The following ROBO2 variants were observed in gnomAD, a reference collection of about 807,000 sequenced individuals.
ROBO2 encodes the protein roundabout homolog 2.
Under a neutral mutation model 160.8 loss-of-function variants are expected in ROBO2, and 53 were observed. That is an observed-to-expected ratio of 0.33 (90% CI 0.26 to 0.41). The LOEUF (loss-of-function observed/expected upper bound fraction) is 0.41, where lower values mean the gene tolerates loss of function less well. Ranked by LOEUF, ROBO2 falls within the 10% of genes least tolerant of loss-of-function variation. The pLI is 1.00. For synonymous variants in ROBO2, 664 were observed against 611.7 expected (o/e 1.09, Z -1.26); for missense variants, 1,577 against 1,722.4 (o/e 0.92, Z 1.49).
intron 2 of ROBO2, among the ~76,000 whole-genome samples, chr3:76,067,573 T>A (rs2068297980): frequency 6.6e-6 from 1 of 152,140 alleles, no homozygotes; most frequent in East Asian, 1.9e-4. Flanking sequence ...AAAAGGAATC[T>A]CTTTTTTATA....
chr3:76,209,319 T>G (rs1036074015), intron 2 of ROBO2, among the ~76,000 whole-genome samples: 45 of 152,326 alleles, frequency 3.0e-4, no homozygotes, highest in African/African-American at 1.1e-3. Flanking sequence ...GTCATTCTCT[T>G]ATTAACTAAG....
intron 2 of ROBO2, among the ~76,000 whole-genome samples, chr3:76,901,340 C>A (rs2075212088): frequency 6.6e-6 from 1 of 151,828 alleles, no homozygotes; most frequent in Admixed American, 6.6e-5. Context: ...CCTTTTCAAT[C>A]CCTGGCTCAT....
chr3:76,541,719 A>G (rs1005526222), intron 2 of ROBO2, among the ~76,000 whole-genome samples: 1 of 152,204 alleles, frequency 6.6e-6, no homozygotes, highest in Admixed American at 6.5e-5. Flanking sequence ...TTGGGAAGGT[A>G]TTAAGAGGCT....
intron 11 of ROBO2, among the ~76,000 whole-genome samples, 199 bp downstream of exon 12, chr3:77,563,528 C>T (rs1420032848): frequency 6.6e-6 from 1 of 151,992 alleles, no homozygotes; most frequent in Non-Finnish European, 1.5e-5. Flanking sequence ...TTTAAATATG[C>T]ATTATTCATG....
chr3:76,160,465 C>A (rs1234384278), intron 2 of ROBO2, among the ~76,000 whole-genome samples: 11 of 152,088 alleles, frequency 7.2e-5, no homozygotes, highest in African/African-American at 2.7e-4. Flanking sequence ...TGTTGGTCAT[C>A]CCCATTAGGA....
chr3:76,287,425 A>T (rs1444144582), intron 2 of ROBO2, among the ~76,000 whole-genome samples: 1 of 151,606 alleles, frequency 6.6e-6, no homozygotes, highest in Non-Finnish European at 1.5e-5. Flanking sequence ...CCTCCCAAGT[A>T]GCTGGAATTA....
At chr3:76,779,262 C>T (rs1193415485) in intron 2 of ROBO2, among the ~76,000 whole-genome samples, 1 of 150,986 alleles carries the variant, frequency 6.6e-6, no homozygotes, top group African/African-American at 2.4e-5. Context: ...ACTCATGAAA[C>T]TATCAATATC....
intron 2 of ROBO2, among the ~76,000 whole-genome samples, chr3:76,651,626 AG>A (rs949232240): frequency 6.6e-6 from 1 of 152,094 alleles, no homozygotes; most frequent in African/African-American, 2.4e-5. Context: ...AAAAAAAAAA[AG>A]AATTGAAAAA....
At chr3:76,469,557 C>T (rs2078542550) in intron 2 of ROBO2, among the ~76,000 whole-genome samples, 1 of 151,976 alleles carries the variant, frequency 6.6e-6, no homozygotes, top group African/African-American at 2.4e-5. Flanking sequence ...TGTCCCCCCA[C>T]ACCTCTCTCT....
chr3:76,974,517 C>G (rs72902020), intron 2 of ROBO2, among the ~76,000 whole-genome samples: 112 of 152,206 alleles, frequency 7.4e-4, no homozygotes, highest in African/African-American at 2.7e-3. Context: ...AGGTGATCAC[C>G]CAGCCTGAAG....
At chr3:77,568,251 A>G in intron 12 of ROBO2, 62 bp from the exon 14 acceptor site, 2 of 1,577,714 alleles carry the variant, frequency 1.3e-6, no homozygotes. Context: ...ATTTACATAA[A>G]ATAAATTGTA....
intron 2 of ROBO2, among the ~76,000 whole-genome samples, chr3:76,409,337 T>G (rs1286065484): frequency 6.6e-6 from 1 of 152,082 alleles, no homozygotes; most frequent in African/African-American, 2.4e-5. Flanking sequence ...ATCTTTAATT[T>G]TAAAAAGGAA....
chr3:77,254,838 C>T, intron 2 of ROBO2, among the ~76,000 whole-genome samples: 1 of 152,170 alleles, frequency 6.6e-6, no homozygotes, highest in Non-Finnish European at 1.5e-5. Context: ...AAGTGTCTTG[C>T]TCCGAGTCAC....
chr3:77,378,815 C>T (rs6776791), intron 2 of ROBO2, among the ~76,000 whole-genome samples: 78,648 of 151,924 alleles, frequency 0.52, 21,239 homozygotes, highest in East Asian at 0.95. Context: ...CATAGATGCC[C>T]GAAAAAATCT....
At chr3:76,674,151 T>G (rs1311953031) in intron 2 of ROBO2, among the ~76,000 whole-genome samples, 1 of 152,106 alleles carries the variant, frequency 6.6e-6, no homozygotes, top group Non-Finnish European at 1.5e-5. Flanking sequence ...ACATTCCAAT[T>G]GATACTCTGT....
intron 2 of ROBO2, among the ~76,000 whole-genome samples, chr3:76,995,241 T>A (rs2060927832): frequency 6.6e-6 from 1 of 152,072 alleles, no homozygotes; most frequent in African/African-American, 2.4e-5. Flanking sequence ...AGAATGATGG[T>A]TTCCAGCTTC....
chr3:77,241,635 A>T (rs1457246305), intron 2 of ROBO2, among the ~76,000 whole-genome samples: 1 of 152,214 alleles, frequency 6.6e-6, no homozygotes, highest in African/African-American at 2.4e-5. Context: ...ATAAATCATT[A>T]TGAACCCCAA....
intron 2 of ROBO2, among the ~76,000 whole-genome samples, chr3:77,123,443 T>A (rs1222424338): frequency 1.3e-5 from 2 of 152,084 alleles, no homozygotes; most frequent in Non-Finnish European, 2.9e-5. Flanking sequence ...TAGAAAATAA[T>A]TGAGGTTGAT....
chr3:77,595,169 T>A, exon 18 of ROBO2: 1 of 1,611,696 alleles, frequency 6.2e-7, no homozygotes, highest in Non-Finnish European at 8.5e-7. Context: ...GATGGAGGAC[T>A]AATGAGCAAT....
Sources: allele counts gnomAD v4.1 joint callset (sites outside exome capture counted in the v4.1 genomes callset), GRCh38; gene constraint gnomAD v4.1.1; transcripts MANE v1.5; gene names NCBI Gene and HGNC (gene_info 2026-07-23, HGNC 2026-07-21).